Variants in ANKFN1 observed in about 807,000 individuals in gnomAD.
ANKFN1 encodes ankyrin repeat and fibronectin type-III domain-containing protein 1.
Under a neutral mutation model 108.7 loss-of-function variants are expected in ANKFN1, and 74 were observed. The observed-to-expected ratio is 0.68, with a 90% CI of 0.56 to 0.83. The LOEUF is 0.83. Among genes scored for constraint, ANKFN1 ranks in the 40% least tolerant of loss-of-function variants. ANKFN1 has a pLI of 0.00. For synonymous variants in ANKFN1, 547 were observed against 516.2 expected (o/e 1.06, Z -0.81); for missense variants, 1,505 against 1,382.3 (o/e 1.09, Z -1.41).
chr17:56,472,643 C>T (rs1204276165), intron 15 of ANKFN1: 1 of 152,176 alleles, frequency 6.6e-6, no homozygotes, highest in Non-Finnish European at 1.5e-5. Context: ...AAGGTCCCTA[C>T]TTTTAAGGAA....
In ANKFN1 at chr17:56,510,851, ATGGCGGCTTC is replaced by A. The variant is rs1361381230; in HGVS notation, c.3024_3033del (p.Tyr1008Ter). The A allele has an allele frequency of 5.9e-6, 9 of 1,536,104 alleles. No homozygotes were observed. The highest frequency in any genetic ancestry group is 6.1e-6 in the Non-Finnish European group (7 of 1,146,902). On this transcript the variant is annotated frameshift_variant, in exon 21 of 21. Transcript: ENST00000682825. LOFTEE classifies it low-confidence loss of function (END_TRUNC). ...CGGAAGCCAGGCAAGCACCCCCACTATGGCGGCTTCAGCCGCCATCATCGCTGGTTGCGCA... is the reference window on the plus strand; with the variant it reads ...CGGAAGCCAGGCAAGCACCCCCACTAAGCCGCCATCATCGCTGGTTGCGCA...
At chr17:56,067,552 C>A (rs1378892194) in intron 4 of ANKFN1, among the ~76,000 whole-genome samples, 3 of 152,134 alleles carry the variant, frequency 2.0e-5, no homozygotes, top group Admixed American at 6.5e-5. Flanking sequence ...CTCTGATCAA[C>A]CACTAAGATT....
chr17:56,398,278 C>A (rs1480493790), intron 8 of ANKFN1, among the ~76,000 whole-genome samples: 1 of 152,130 alleles, frequency 6.6e-6, no homozygotes, highest in Admixed American at 6.6e-5. Context: ...TAATACCTCT[C>A]ATTTCTGGCC....
chr17:56,241,473 C>A (rs1207850942), intron 3 of ANKFN1, among the ~76,000 whole-genome samples: 2 of 152,034 alleles, frequency 1.3e-5, no homozygotes, highest in African/African-American at 4.8e-5. Flanking sequence ...ATGTCTGGAT[C>A]TTTTTCTGAG....
chr17:56,407,523 C>T (rs2047956457), intron 8 of ANKFN1, among the ~76,000 whole-genome samples: 2 of 152,182 alleles, frequency 1.3e-5, no homozygotes, highest in African/African-American at 4.8e-5. Context: ...CAAATCAAAG[C>T]TCCATCAGTG....
intron 8 of ANKFN1, among the ~76,000 whole-genome samples, chr17:56,375,413 C>T (rs976165949): frequency 6.6e-6 from 1 of 151,952 alleles, no homozygotes; most frequent in African/African-American, 2.4e-5. Flanking sequence ...AGCATAGGGT[C>T]GTGAGAAGGT....
chr17:56,064,861 C>T (rs560830435), intron 4 of ANKFN1, among the ~76,000 whole-genome samples: 3 of 152,238 alleles, frequency 2.0e-5, no homozygotes, highest in Admixed American at 6.5e-5. Context: ...TGTGGATTCA[C>T]GAATGGGATC....
At chr17:56,108,020 C>T (rs1212246163) in intron 4 of ANKFN1, among the ~76,000 whole-genome samples, 2 of 151,922 alleles carry the variant, frequency 1.3e-5, no homozygotes, top group Non-Finnish European at 2.9e-5. Flanking sequence ...CGCCACCACA[C>T]CTGGCTAATT....
intron 8 of ANKFN1, among the ~76,000 whole-genome samples, chr17:56,419,284 C>T (rs762937701): frequency 6.6e-6 from 1 of 151,886 alleles, no homozygotes; most frequent in African/African-American, 2.4e-5. Context: ...GAATTCGAGA[C>T]CAGCCTGACC....
intron 6 of ANKFN1, among the ~76,000 whole-genome samples, chr17:56,358,701 C>G (rs944760572): frequency 2.0e-5 from 3 of 152,106 alleles, no homozygotes; most frequent in Admixed American, 1.3e-4. Context: ...GGAAAACAAC[C>G]ACTGAATCTG....
intron 4 of ANKFN1, among the ~76,000 whole-genome samples, chr17:56,125,775 GA>G (rs1906889365): frequency 6.6e-6 from 1 of 152,212 alleles, no homozygotes; most frequent in African/African-American, 2.4e-5. Context: ...GTTCTAAGTA[GA>G]GATGGAAATG....
At chr17:56,049,250 T>C (rs1904732535) in intron 4 of ANKFN1, among the ~76,000 whole-genome samples, 1 of 152,234 alleles carries the variant, frequency 6.6e-6, no homozygotes, top group Non-Finnish European at 1.5e-5. Context: ...CATTCGCTAA[T>C]GATTTGTGCA....
Position 56,449,175 on chromosome 17 carries a change from A to C in ANKFN1, c.1196A>C (p.Tyr399Ser). Residue 399 changes from tyrosine to serine, a missense_variant, in exon 11 of 21, where the codon TAC becomes TCC. Transcript: ENST00000682825. ...LQQVRALHQHYSCRESTKLQT... is the reference protein window; with the variant it reads ...LQQVRALHQHSSCRESTKLQT... ...CAGGTCCGAGCCCTTCATCAGCATT[A>C]CAGTTGCCGGGGTAAGGATAAAAAT... is the stretch of plus-strand genomic sequence containing the variant. 1 of 1,613,002 alleles carries C rather than the reference A, an allele frequency of 6.2e-7. No homozygotes were observed. Among genetic ancestry groups the C allele is most frequent in the Non-Finnish European group, 8.5e-7 (1 of 1,179,306 alleles).
At chr17:56,206,503 CGGCAAAGAA>C (rs1283795793) in intron 1 of ANKFN1, 2 of 152,052 alleles carry the variant, frequency 1.3e-5, no homozygotes, top group Non-Finnish European at 2.9e-5. Flanking sequence ...GCATGAAGAA[CGGCAAAGAA>C]GACAATGGGA....
intron 4 of ANKFN1, among the ~76,000 whole-genome samples, chr17:56,052,122 A>G (rs1246238069): frequency 2.0e-5 from 3 of 152,106 alleles, no homozygotes; most frequent in Non-Finnish European, 4.4e-5. Context: ...GTCAATCCTA[A>G]GCCAGAAGAA....
intron 4 of ANKFN1, among the ~76,000 whole-genome samples, chr17:56,095,307 T>C (rs200382883): frequency 4.0e-5 from 6 of 150,008 alleles, no homozygotes; most frequent in East Asian, 3.9e-4. Context: ...TTTTTTTTTT[T>C]CTGATACGTG....
chr17:56,149,138 G>A (rs755582093), upstream of ANKFN1, among the ~76,000 whole-genome samples: 31 of 152,128 alleles, frequency 2.0e-4, no homozygotes, highest in Non-Finnish European at 3.8e-4. Flanking sequence ...CGGGGTGGGT[G>A]AGAGGGGGTA....
chr17:56,162,179 C>T (rs931258216), intron 1 of ANKFN1, among the ~76,000 whole-genome samples: 1 of 152,150 alleles, frequency 6.6e-6, no homozygotes, highest in Non-Finnish European at 1.5e-5. Context: ...TAAAAGAAGT[C>T]AGGATTCTGT....
chr17:56,268,424 TAAAGCAGTTTTAAG>T, intron 3 of ANKFN1, among the ~76,000 whole-genome samples: 1 of 152,274 alleles, frequency 6.6e-6, no homozygotes, highest in South Asian at 2.1e-4. Flanking sequence ...GAGATACAGC[TAAAGCAGTTTTAAG>T]GGGAAATTTT....
Sources: allele counts gnomAD v4.1 joint callset (sites outside exome capture counted in the v4.1 genomes callset), GRCh38; gene constraint gnomAD v4.1.1; transcripts MANE v1.5; gene names NCBI Gene and HGNC (gene_info 2026-07-23, HGNC 2026-07-21).